SLC35F4: variants seen among roughly 807,000 people sequenced by gnomAD.
SLC35F4 encodes the protein solute carrier family 35 member F4.
Under a neutral mutation model 44.2 loss-of-function variants are expected in SLC35F4, and 24 were observed. The ratio of observed to expected loss-of-function variants is 0.54; its 90% CI spans 0.39 to 0.76. The LOEUF (loss-of-function observed/expected upper bound fraction) is 0.76, where lower values mean the gene tolerates loss of function less well. Among genes scored for constraint, SLC35F4 ranks in the 30% least tolerant of loss-of-function variants. SLC35F4 has a pLI of 0.00. For missense variants in SLC35F4, 562 were observed against 586.1 expected (o/e 0.96, Z 0.42); for synonymous variants, 238 against 223.6 (o/e 1.06, Z -0.57).
At chr14:57,572,698 C>G (rs1274033475) in intron 4 of SLC35F4, among the ~76,000 whole-genome samples, 1 of 152,192 alleles carries the variant, frequency 6.6e-6, no homozygotes, top group Non-Finnish European at 1.5e-5. Flanking sequence ...TTTAATTACT[C>G]TAGAGCATTA....
intron 1 of SLC35F4, among the ~76,000 whole-genome samples, chr14:57,842,608 T>G (rs189624326): frequency 5.1e-4 from 78 of 152,208 alleles, no homozygotes; most frequent in African/African-American, 1.7e-3. Context: ...CAGGCTGCCC[T>G]CACCACACAA....
chr14:57,748,963 C>T (rs2076821812), intron 1 of SLC35F4, among the ~76,000 whole-genome samples: 1 of 152,150 alleles, frequency 6.6e-6, no homozygotes, highest in African/African-American at 2.4e-5. Context: ...ATTTCACCTT[C>T]ATCTTAACTC....
intron 3 of SLC35F4, among the ~76,000 whole-genome samples, chr14:57,584,579 T>G (rs541230261): frequency 6.6e-6 from 1 of 152,292 alleles, no homozygotes; most frequent in East Asian, 1.9e-4. Context: ...GATAGTATTT[T>G]CTGCTTGACA....
At chr14:57,926,257 G>T (rs77507198) in intron 1 of SLC35F4, among the ~76,000 whole-genome samples, 2,230 of 152,314 alleles carry the variant, frequency 0.015, 64 homozygotes, top group African/African-American at 0.048. Flanking sequence ...CTCTCCCAGT[G>T]TTCAGCACGT....
chr14:57,740,010 C>A lies in SLC35F4; in HGVS notation c.103+125713G>T, dbSNP rs186005649. ...GAGTAGCTGGGTTTACAGGCATGGACCACCATGACTGGATAATTTTTGTAT... is the reference window on the plus strand; with the variant it reads ...GAGTAGCTGGGTTTACAGGCATGGAACACCATGACTGGATAATTTTTGTAT... On this transcript the variant is annotated intron_variant, in intron 1 of 7. Coordinates refer to ENST00000556826, the MANE Select transcript of SLC35F4 (RefSeq NM_001306087.2). Among the ~76,000 whole-genome samples, 214 of 152,200 alleles carry A rather than the reference C, an allele frequency of 1.4e-3. 1 individual carries two copies. The highest frequency in any genetic ancestry group is 6.8e-3 in the Middle Eastern group (2 of 292).
intron 1 of SLC35F4, among the ~76,000 whole-genome samples, chr14:57,895,679 C>T (rs758353673): frequency 2.6e-5 from 4 of 151,994 alleles, no homozygotes; most frequent in African/African-American, 4.8e-5. Context: ...CTGCTATGAT[C>T]GTAAGTTTCC....
At chr14:57,577,028 C>G (rs1033751791) in intron 4 of SLC35F4, among the ~76,000 whole-genome samples, 1 of 152,156 alleles carries the variant, frequency 6.6e-6, no homozygotes. Flanking sequence ...CTCCCACTGT[C>G]CATCCTCCAC....
At chr14:57,643,669 A>T (rs1035050214) in intron 1 of SLC35F4, among the ~76,000 whole-genome samples, 1 of 152,142 alleles carries the variant, frequency 6.6e-6, no homozygotes, top group African/African-American at 2.4e-5. Context: ...CACAACGTGC[A>T]GGTTTGTTAC....
intron 1 of SLC35F4, among the ~76,000 whole-genome samples, chr14:57,949,638 T>C (rs1247273096): frequency 6.6e-6 from 1 of 152,220 alleles, no homozygotes; most frequent in East Asian, 1.9e-4. Context: ...ATTTAAGCTT[T>C]AAGAAGGTTC....
intron 1 of SLC35F4, among the ~76,000 whole-genome samples, chr14:57,875,520 G>T (rs904502271): frequency 1.3e-5 from 2 of 152,192 alleles, no homozygotes; most frequent in African/African-American, 4.8e-5. Context: ...GCTTGCTTAT[G>T]CATTTGTGGT....
intron 1 of SLC35F4, among the ~76,000 whole-genome samples, chr14:57,885,393 G>GC (rs1236327594): frequency 6.6e-6 from 1 of 152,164 alleles, no homozygotes; most frequent in Admixed American, 6.6e-5. Context: ...TAAGTGCAGC[G>GC]CAAGTGTTCA....
intron 1 of SLC35F4, among the ~76,000 whole-genome samples, chr14:57,876,243 A>G (rs901527955): frequency 5.9e-5 from 9 of 152,208 alleles, no homozygotes; most frequent in Admixed American, 4.6e-4. Context: ...CAAGATGAAA[A>G]GGGAAACCTG....
intron 1 of SLC35F4, among the ~76,000 whole-genome samples, chr14:57,943,951 G>A (rs1594641994): frequency 6.6e-6 from 1 of 152,010 alleles, no homozygotes; most frequent in South Asian, 2.1e-4. Context: ...TCTGGACCAC[G>A]CCAATGGGAG....
chr14:57,712,036 G>T (rs148260746), intron 1 of SLC35F4, among the ~76,000 whole-genome samples: 353 of 152,272 alleles, frequency 2.3e-3, no homozygotes, highest in Middle Eastern at 0.014. Context: ...CATGGCATAT[G>T]GAGGTTTCAT....
chr14:57,944,748 AAAG>A lies in SLC35F4; in HGVS notation n.282+37162_282+37164del, dbSNP rs1555330049. 2.4e-4 allele frequency among the ~76,000 whole-genome samples: 36 copies of A among 147,568 alleles called. No individual in the cohort carries two copies. The East Asian group carries it at 3.0e-3, about 12-fold the overall frequency. ...GAAAGAAAGAAAGAAAGAAAGAAAG[AAAG>A]AAGAAAGGAAGAAAGAAAAGAAAAG... On this transcript the variant is annotated intron_variant and non_coding_transcript_variant, in intron 1 of 1. Coordinates refer to the SLC35F4 transcript ENST00000556568.
At chr14:57,805,665 T>C (rs1212127592) in intron 1 of SLC35F4, among the ~76,000 whole-genome samples, 2 of 152,096 alleles carry the variant, frequency 1.3e-5, no homozygotes, top group African/African-American at 4.8e-5. Flanking sequence ...GAACAGCTAA[T>C]GGATGCTGGG....
intron 1 of SLC35F4, among the ~76,000 whole-genome samples, chr14:57,977,372 T>C (rs1016178781): frequency 6.6e-6 from 1 of 152,188 alleles, no homozygotes; most frequent in South Asian, 2.1e-4. Context: ...AAGGATGGTG[T>C]ATCGAGTCTG....
intron 1 of SLC35F4, among the ~76,000 whole-genome samples, chr14:57,864,129 T>G (rs374201691): frequency 6.6e-6 from 1 of 152,234 alleles, no homozygotes; most frequent in East Asian, 1.9e-4. Flanking sequence ...AGTCTTGTAA[T>G]TTCACACACA....
intron 1 of SLC35F4, among the ~76,000 whole-genome samples, chr14:57,678,016 C>G (rs935770061): frequency 3.9e-5 from 6 of 151,938 alleles, no homozygotes; most frequent in African/African-American, 1.5e-4. Flanking sequence ...TCAGGAAATA[C>G]AGAGAATATC....
Sources: gnomAD v4.1 joint callset for allele counts (sites outside exome capture counted in the v4.1 genomes callset) on GRCh38, gnomAD v4.1.1 for gene constraint, MANE v1.5 for transcripts, NCBI Gene and HGNC (gene_info 2026-07-23, HGNC 2026-07-21) for gene names.